Variants in SLC9A9 observed in about 807,000 individuals in gnomAD.
SLC9A9 encodes sodium/hydrogen exchanger 9.
Under a neutral mutation model 77.8 loss-of-function variants are expected in SLC9A9, and 62 were observed. That is an observed-to-expected ratio of 0.80 (90% confidence interval 0.65 to 0.98). The LOEUF (loss-of-function observed/expected upper bound fraction) is 0.98, where lower values mean the gene tolerates loss of function less well. SLC9A9 is among the 50% of genes least tolerant of loss of function. SLC9A9 has a pLI of 0.00. For synonymous variants in SLC9A9, 320 were observed against 283.5 expected (o/e 1.13, Z -1.29); for missense variants, 775 against 774.9 (o/e 1.00, Z 0.00).
At chr3:143,736,771 C>T (rs1006857212) in intron 4 of SLC9A9, among the ~76,000 whole-genome samples, 1 of 152,160 alleles carries the variant, frequency 6.6e-6, no homozygotes, top group Non-Finnish European at 1.5e-5. Context: ...TTAATTGGCT[C>T]ATAATCAGTT....
chr3:143,671,624 T>A (rs535995174), intron 5 of SLC9A9, among the ~76,000 whole-genome samples: 1 of 152,364 alleles, frequency 6.6e-6, no homozygotes, highest in South Asian at 2.1e-4. Context: ...TTGAGGTTTA[T>A]ATGATGGAGT....
At position 143,720,250 on chromosome 3, in the gene SLC9A9, TA is replaced by T. The variant is rs199889802; in HGVS notation, c.534-26944del. 6.6e-3 allele frequency among the ~76,000 whole-genome samples: 769 copies of T among 117,048 alleles called. 3 individuals are homozygous for T. The highest frequency in any genetic ancestry group is 0.016 in the Admixed American group (189 of 11,590). 76.8% of individuals were successfully genotyped at this position (117,048 alleles called of 152,430 possible). On this transcript the variant is annotated intron_variant, in intron 4 of 15. Coordinates refer to ENST00000316549, the MANE Select transcript of SLC9A9 (RefSeq NM_173653.4). Reference sequence around the variant, plus strand: ...TGTCTATATGTATTTTATATATATATATTTTTTTTCACATTTGGGTTCTTTA... The same window carrying T: ...TGTCTATATGTATTTTATATATATATTTTTTTTTCACATTTGGGTTCTTTA...
intron 4 of SLC9A9, among the ~76,000 whole-genome samples, chr3:143,764,858 C>T (rs887253764): frequency 1.3e-5 from 2 of 152,028 alleles, no homozygotes; most frequent in Non-Finnish European, 2.9e-5. Flanking sequence ...ATTATAGGTG[C>T]GAGCCACCAG....
At chr3:143,667,830 A>G (rs1175856229) in intron 5 of SLC9A9, among the ~76,000 whole-genome samples, 1 of 152,216 alleles carries the variant, frequency 6.6e-6, no homozygotes, top group Non-Finnish European at 1.5e-5. Flanking sequence ...AAGTCAGCAA[A>G]CAACAGATGC....
At chr3:143,572,663 G>T (rs1361008323) in intron 8 of SLC9A9, among the ~76,000 whole-genome samples, 7 of 152,162 alleles carry the variant, frequency 4.6e-5, no homozygotes, top group Admixed American at 2.0e-4. Context: ...ACAAAGGCCT[G>T]GTAGGGTGGA....
chr3:143,848,304 C>A lies in SLC9A9; in HGVS notation c.19G>T (p.Val7Phe), dbSNP rs1407229262. The A allele has an allele frequency of 1.2e-6, 2 of 1,613,948 alleles. No individual in the cohort carries two copies. Among genetic ancestry groups the A allele is most frequent in the South Asian group, 1.1e-5 (1 of 91,074 alleles). Residue 7 changes from valine to phenylalanine, a missense_variant, in exon 1 of 16, where the codon GTT (valine) becomes TTT (phenylalanine). Val to Phe is a conservative substitution (Grantham distance 50). Transcript: ENST00000316549. MERQSR[V>F]MSEKDEYQFQ... The stretch of plus-strand genomic sequence containing the variant: ...TGATACTCATCCTTTTCTGACATAA[C>A]CCTTGACTGTCTCTCCATTCCCCAG...
At chr3:143,701,901 A>T (rs1039507088) in intron 4 of SLC9A9, among the ~76,000 whole-genome samples, 2 of 152,150 alleles carry the variant, frequency 1.3e-5, no homozygotes, top group African/African-American at 4.8e-5. Flanking sequence ...TAAAGAAAGG[A>T]CCCTAAAAGC....
rs533195964 is a variant in SLC9A9, at chr3:143,454,124, C to A, written c.1469+12913G>T. Among the ~76,000 whole-genome samples the A allele has an allele frequency of 4.9e-4, 74 of 152,244 alleles. 1 individual carries two copies. The highest frequency in any genetic ancestry group is 3.1e-4 in the Non-Finnish European group (21 of 67,996). On this transcript the variant is annotated intron_variant, in intron 12 of 15. Transcript: ENST00000316549. ...AACTGGGAGAAAATAAATTTCTGTT[C>A]TTCGTAAGTTTTCCAGTCTTAGGTA...
At chr3:143,767,166 T>C (rs2007345442) in intron 4 of SLC9A9, among the ~76,000 whole-genome samples, 1 of 151,978 alleles carries the variant, frequency 6.6e-6, no homozygotes, top group Non-Finnish European at 1.5e-5. Context: ...GAGGACAGAG[T>C]GAAACAACTG....
chr3:143,543,769 A>ATTTTTTTTTTTTTTTTTTTTT (rs1480330623), intron 9 of SLC9A9, among the ~76,000 whole-genome samples: 1 of 152,008 alleles, frequency 6.6e-6, no homozygotes, highest in African/African-American at 2.4e-5. Context: ...TATGTACCAC[A>ATTTTTTTTTTTTTTTTTTTTT]TTTTCTTTAT....
intron 1 of SLC9A9, chr3:143,847,834 C>T: frequency 2.4e-6 from 1 of 408,538 alleles, no homozygotes; most frequent in Non-Finnish European, 4.6e-6. Flanking sequence ...AGAGCCATCA[C>T]TTCCCAACAT....
chr3:143,424,738 G>A (rs568754622), intron 12 of SLC9A9, among the ~76,000 whole-genome samples: 12 of 152,318 alleles, frequency 7.9e-5, no homozygotes, highest in Middle Eastern at 3.4e-3. Flanking sequence ...CAAAACAAAA[G>A]CAAGAAAGAA....
chr3:143,796,974 A>G, intron 2 of SLC9A9, 71 bp from the exon 3 acceptor site: 1 of 1,238,902 alleles, frequency 8.1e-7, no homozygotes, highest in African/African-American at 1.5e-5. Context: ...TGTTTCAAAA[A>G]ACAGTTGTAA....
At chr3:143,661,767 C>T (rs2038981339) in intron 5 of SLC9A9, among the ~76,000 whole-genome samples, 2 of 152,098 alleles carry the variant, frequency 1.3e-5, no homozygotes, top group South Asian at 4.2e-4. Flanking sequence ...TCAAATGATC[C>T]ACCCACCTCA....
chr3:143,661,438 T>C (rs2038977067), intron 5 of SLC9A9, among the ~76,000 whole-genome samples: 1 of 152,176 alleles, frequency 6.6e-6, no homozygotes, highest in South Asian at 2.1e-4. Context: ...GTTTCCACAC[T>C]GCTCGACCCC....
chr3:143,456,981 G>C (rs1053330901), intron 12 of SLC9A9, among the ~76,000 whole-genome samples: 1 of 152,144 alleles, frequency 6.6e-6, no homozygotes, highest in Admixed American at 6.5e-5. Flanking sequence ...TATGTGCAGA[G>C]AAAATTGTTT....
chr3:143,680,933 G>C (rs1323891842), intron 5 of SLC9A9, among the ~76,000 whole-genome samples: 4 of 152,112 alleles, frequency 2.6e-5, no homozygotes, highest in Admixed American at 2.0e-4. Context: ...AGATATCAGA[G>C]GAGGGGCAGA....
chr3:143,797,552 C>T (rs896877879), intron 2 of SLC9A9, among the ~76,000 whole-genome samples: 7 of 151,818 alleles, frequency 4.6e-5, no homozygotes, highest in Admixed American at 2.6e-4. Context: ...ATGGCCGGTT[C>T]CTGCCTTAAC....
At chr3:143,815,582 T>C (rs2008987192) in intron 2 of SLC9A9, among the ~76,000 whole-genome samples, 2 of 152,006 alleles carry the variant, frequency 1.3e-5, no homozygotes, top group African/African-American at 4.8e-5. Context: ...TGACCTAATA[T>C]CCGCCGGGCG....
Sources: allele counts gnomAD v4.1 joint callset (sites outside exome capture counted in the v4.1 genomes callset), GRCh38; gene constraint gnomAD v4.1.1; transcripts MANE v1.5; gene names NCBI Gene and HGNC (gene_info 2026-07-23, HGNC 2026-07-21).